The following OTUD5 variants were observed in gnomAD, a reference collection of about 807,000 sequenced individuals.
OTUD5 encodes the protein OTU deubiquitinase 5, also known as OTU domain-containing protein 5.
Under a neutral mutation model 36.3 loss-of-function variants are expected in OTUD5, and 2 were observed. The observed-to-expected ratio is 0.06, with a 90% confidence interval of 0.02 to 0.17. The LOEUF is 0.17. OTUD5 is among the 10% of genes least tolerant of loss of function. OTUD5 has a pLI of 1.00. For missense variants in OTUD5, 233 were observed against 512.3 expected, an observed-to-expected ratio of 0.45 and a Z score of 5.26; for synonymous variants, 234 against 214.9, an observed-to-expected ratio of 1.09 and a Z score of -0.78.
At chrX:48,940,965 G>A (rs1432039921) in intron 2 of OTUD5, among the ~76,000 whole-genome samples, 1 of 111,561 alleles carries the variant, frequency 9.0e-6, no homozygotes, top group African/African-American at 3.3e-5. Flanking sequence ...CCTATAGGAA[G>A]ATAATCCAGG....
Position 48,956,919 on chromosome X carries a change from TCA to T in OTUD5, c.594+56_594+57del, listed in dbSNP as rs782418002. Reference sequence around the variant, plus strand: ...CTCAAACAGCCTTCCTTGAGTCCCTTCACAGTCTGGGGGTCCCATCTGCCGTG... The same window carrying T: ...CTCAAACAGCCTTCCTTGAGTCCCTTCAGTCTGGGGGTCCCATCTGCCGTG... On this transcript the variant is annotated intron_variant, in intron 1 of 8. Coordinates refer to ENST00000376488, the MANE Select transcript of OTUD5 (RefSeq NM_001136157.2). The T allele has an allele frequency of 8.0e-5, 85 of 1,063,278 alleles. No homozygotes were observed. In the East Asian group the frequency reaches 2.7e-3, roughly 34 times the overall value. The allele number at this position is 1,063,278 out of a possible 1,213,427, so 87.6% of individuals were successfully genotyped here.
At chrX:48,954,441 T>G (rs782545425) in intron 1 of OTUD5, among the ~76,000 whole-genome samples, 1 of 111,483 alleles carries the variant, frequency 9.0e-6, no homozygotes, top group African/African-American at 3.3e-5. Context: ...ATAGGATGTT[T>G]TTCCTCTGTC....
upstream of OTUD5, chrX:48,958,085 C>T (rs1436148138): frequency 8.8e-6 from 1 of 113,375 alleles, no homozygotes; most frequent in Non-Finnish European, 1.9e-5. Context: ...CGTGGGACCT[C>T]GACGACGCCC....
chrX:48,926,908 C>T (rs1471258056), intron 5 of OTUD5, among the ~76,000 whole-genome samples: 3 of 111,349 alleles, frequency 2.7e-5, no homozygotes, highest in Non-Finnish European at 5.6e-5. Context: ...TGAGATCCAA[C>T]AGCATTTTTA....
rs141310455 is a variant in OTUD5, at chrX:48,945,115, A to G, written c.595-832T>C. Among the ~76,000 whole-genome samples, 49 of 110,977 alleles carry G rather than the reference A, an allele frequency of 4.4e-4. 1 individual carries two copies. In the East Asian group the frequency reaches 0.013, roughly 30 times the overall value. ...GAACACATTTAACAGATATCTACAC[A>G]TATATACATATGTATGTATACAAAC... On this transcript the variant is annotated intron_variant, in intron 1 of 8. Coordinates refer to ENST00000376488, the MANE Select transcript of OTUD5 (RefSeq NM_001136157.2).
intron 1 of OTUD5, 48 bp from the exon 2 acceptor site, chrX:48,944,331 T>C: frequency 1.2e-6 from 1 of 868,479 alleles, no homozygotes; most frequent in Non-Finnish European, 1.7e-6. Context: ...CTGTACTCCC[T>C]CCCCAGGGCC....
At chrX:48,942,899 G>T (rs1557051470) in intron 2 of OTUD5, among the ~76,000 whole-genome samples, 1 of 110,722 alleles carries the variant, frequency 9.0e-6, no homozygotes, top group Non-Finnish European at 1.9e-5. Flanking sequence ...ACAGCCTCAG[G>T]AAAGAAGAGC....
chrX:48,942,232 T>TACAC (rs1484692862), intron 2 of OTUD5, among the ~76,000 whole-genome samples: 23 of 19,836 alleles, frequency 1.2e-3, no homozygotes, highest in Admixed American at 1.6e-3. Context: ...GCTAGCTAGA[T>TACAC]ACACACACAC....
chrX:48,953,571 G>C (rs1026922566), intron 1 of OTUD5, among the ~76,000 whole-genome samples: 3 of 111,334 alleles, frequency 2.7e-5, no homozygotes, highest in Admixed American at 9.6e-5. Context: ...GAAAGACCCA[G>C]AGTTGGAACC....
chrX:48,922,755 C>CG lies in OTUD5; in HGVS notation c.*418dup. 1.3e-6 allele frequency: 1 copy of CG among 763,833 alleles called. No individual in the cohort carries two copies. Among genetic ancestry groups the CG allele is most frequent in the Non-Finnish European group, 1.5e-6 (1 of 645,667 alleles). 62.9% of individuals were successfully genotyped at this position (763,833 alleles called of 1,213,427 possible). A position where few individuals can be genotyped will look rare whatever the true frequency, so the allele number is the denominator to read the frequency against. On this transcript the variant is annotated 3_prime_UTR_variant, in exon 9 of 9. Transcript: ENST00000376488. ...CCTCCCACCTCCCTGGCATCAGTGTCGGGGGGTGGCGGCAAGTTTTTCTCA... is the reference window on the plus strand; with the variant it reads ...CCTCCCACCTCCCTGGCATCAGTGTCGGGGGGGTGGCGGCAAGTTTTTCTCA...
intron 1 of OTUD5, among the ~76,000 whole-genome samples, chrX:48,949,407 G>T (rs1311423761): frequency 8.9e-6 from 1 of 111,925 alleles, no homozygotes; most frequent in Non-Finnish European, 1.9e-5. Context: ...GCCAGGTACG[G>T]TGATTCACGC....
chrX:48,949,963 A>G (rs1328897859), intron 1 of OTUD5, among the ~76,000 whole-genome samples: 1 of 110,358 alleles, frequency 9.1e-6, no homozygotes, highest in Non-Finnish European at 1.9e-5. Flanking sequence ...AGCCTGGCCA[A>G]CATGGCAAAA....
intron 1 of OTUD5, among the ~76,000 whole-genome samples, chrX:48,956,445 G>C (rs782192218): frequency 9.0e-6 from 1 of 111,334 alleles, no homozygotes; most frequent in East Asian, 2.8e-4. Flanking sequence ...CCAGCGAAGC[G>C]GGAGAGGATT....
chrX:48,943,112 C>G (rs2063962523), intron 2 of OTUD5, among the ~76,000 whole-genome samples: 1 of 111,381 alleles, frequency 9.0e-6, no homozygotes, highest in African/African-American at 3.3e-5. Flanking sequence ...TGAGTCAGGG[C>G]CAGAACTAGA....
intron 5 of OTUD5, among the ~76,000 whole-genome samples, chrX:48,931,517 G>A (rs1253070359): frequency 8.9e-6 from 1 of 112,355 alleles, no homozygotes; most frequent in Non-Finnish European, 1.9e-5. Context: ...GGTGGCTCAC[G>A]CCTGTAATCC....
Position 48,923,037 on chromosome X carries a change from G to A in OTUD5, c.*137C>T. 2.6e-6 allele frequency: 3 copies of A among 1,151,515 alleles called. No individual in the cohort carries two copies. The highest frequency in any genetic ancestry group is 3.5e-6 in the Non-Finnish European group (3 of 865,501). The allele number at this position is 1,151,515 out of a possible 1,213,427, so 94.9% of individuals were successfully genotyped here. On this transcript the variant is annotated 3_prime_UTR_variant, in exon 9 of 9. Coordinates refer to ENST00000376488, the MANE Select transcript of OTUD5 (RefSeq NM_001136157.2). ...AGTGCAGGGGTGGGCTAGCCAGAGG[G>A]AAGTGAGGAGGAGGGAAAAGAGGGG...
rs1557046755 is a variant in OTUD5, at chrX:48,923,289, T to C, written c.1586A>G (p.Asn529Ser). ...QQMSPSAFGL[N>S]DWDDDEILAS... The stretch of plus-strand genomic sequence containing the variant: ...TAGGATCTCATCATCATCCCAGTCA[T>C]TCAGACCTGCTGGGCGAGAGGAAGA... Residue 529 changes from asparagine to serine, a missense_variant, in exon 9 of 9, where the codon AAT becomes AGT. Around this residue, in one of 3 missense-constraint regions of OTUD5, gnomAD observed 57 missense variants for 133.1 expected, o/e 0.43. Transcript: ENST00000376488. The C allele has an allele frequency of 2.5e-6, 3 of 1,204,029 alleles. No homozygotes were observed. The South Asian group carries it at 5.3e-5, about 21-fold the overall frequency.
chrX:48,923,100 C>G lies in OTUD5; in HGVS notation c.*74G>C. 5.0e-6 allele frequency: 6 copies of G among 1,203,899 alleles called. No homozygotes were observed. The South Asian group carries it at 1.1e-4, about 21-fold the overall frequency. On this transcript the variant is annotated 3_prime_UTR_variant, in exon 9 of 9. Coordinates refer to ENST00000376488, the MANE Select transcript of OTUD5 (RefSeq NM_001136157.2). ...ACAGAAGGAGGCAAGAGGGAAGAAG[C>G]CAAAGAAGGTGAGGTGGCACCGGAG...
chrX:48,924,912 G>A (rs1200032979), intron 6 of OTUD5, among the ~76,000 whole-genome samples: 1 of 111,600 alleles, frequency 9.0e-6, no homozygotes, highest in Admixed American at 9.5e-5. Flanking sequence ...GGTCTGCTGG[G>A]CTCACCTATG....
Sources: allele counts gnomAD v4.1 joint callset (sites outside exome capture counted in the v4.1 genomes callset), GRCh38; gene constraint gnomAD v4.1.1; regional missense constraint gnomAD v4.1.1; transcripts MANE v1.5; gene names NCBI Gene and HGNC (gene_info 2026-07-23, HGNC 2026-07-21).